COL4A2: variants seen among roughly 807,000 people sequenced by gnomAD.
COL4A2 encodes collagen alpha-2(IV) chain.
A neutral mutation model predicts 200.2 loss-of-function variants in COL4A2; 99 were observed. The ratio of observed to expected loss-of-function variants is 0.49; its 90% confidence interval spans 0.42 to 0.58. The LOEUF is 0.58. Among genes scored for constraint, COL4A2 ranks in the 20% least tolerant of loss-of-function variants. The pLI is 0.00. For synonymous variants in COL4A2, 897 were observed against 900.6 expected (o/e 1.00, Z 0.07); for missense variants, 1,950 against 2,314.1 (o/e 0.84, Z 3.23).
At chr13:110,329,122 T>TA (rs1228678226) in intron 3 of COL4A2, among the ~76,000 whole-genome samples, 1 of 152,212 alleles carries the variant, frequency 6.6e-6, no homozygotes, top group Non-Finnish European at 1.5e-5. Context: ...CTAATCTGAA[T>TA]AAAATGAAGA....
At chr13:110,395,594 TG>T (rs1879155749) in intron 4 of COL4A2, among the ~76,000 whole-genome samples, 2 of 152,266 alleles carry the variant, frequency 1.3e-5, no homozygotes, top group South Asian at 4.1e-4. Flanking sequence ...TATAACATTT[TG>T]TTTCTAATTG....
Position 110,473,071 on chromosome 13 carries a change from G to A in COL4A2, c.2346G>A (p.Gly782=), listed in dbSNP as rs1238212747. 6.5e-7 allele frequency: 1 copy of A among 1,540,234 alleles called. No individual in the cohort carries two copies. Among genetic ancestry groups the A allele is most frequent in the South Asian group, 1.2e-5 (1 of 81,528 alleles). ...LPGEVLGAQP[G]PRGDAGVPGQ... The stretch of plus-strand genomic sequence containing the variant: ...GAGAAGTCCTGGGAGCTCAGCCCGG[G>A]CCACGGGGAGATGCTGGTGTGCCTG... The change falls in exon 29 of 48, where the codon GGG becomes GGA. Residue 782 remains glycine, a synonymous_variant. Transcript: ENST00000360467.
chr13:110,357,416 G>A (rs1877324499), intron 3 of COL4A2, 56 bp from the exon 4 acceptor site: 1 of 1,549,870 alleles, frequency 6.5e-7, no homozygotes, highest in South Asian at 1.2e-5. Context: ...TTTAATACAT[G>A]TTGTAGTTGG....
chr13:110,377,646 C>G (rs1395323303), intron 4 of COL4A2, among the ~76,000 whole-genome samples: 2 of 152,216 alleles, frequency 1.3e-5, no homozygotes, highest in Admixed American at 1.3e-4. Flanking sequence ...AGGACCAACT[C>G]TTTACAGAAA....
At chr13:110,459,190 A>T in intron 22 of COL4A2, 1 of 373,230 alleles carries the variant, frequency 2.7e-6, no homozygotes. Flanking sequence ...GGGGGTCACC[A>T]CGTGACCCAG....
intron 18 of COL4A2, among the ~76,000 whole-genome samples, chr13:110,448,992 C>T (rs1281247066): frequency 6.6e-6 from 1 of 152,246 alleles, no homozygotes; most frequent in Non-Finnish European, 1.5e-5. Flanking sequence ...GAGCAGGAGA[C>T]GCCATACACG....
chr13:110,476,395 G>C (rs1017159909), intron 29 of COL4A2, among the ~76,000 whole-genome samples: 5 of 152,342 alleles, frequency 3.3e-5, no homozygotes, highest in Non-Finnish European at 7.3e-5. Context: ...ATGCATCCGT[G>C]CATCTTAGAG....
chr13:110,355,358 G>A (rs1425755805), intron 3 of COL4A2, among the ~76,000 whole-genome samples: 1 of 136,228 alleles, frequency 7.3e-6, no homozygotes, highest in African/African-American at 2.9e-5. Context: ...GTGTGTGTGG[G>A]GGAGGGCTGC....
At chr13:110,345,799 G>T (rs1388512825) in intron 3 of COL4A2, among the ~76,000 whole-genome samples, 1 of 152,198 alleles carries the variant, frequency 6.6e-6, no homozygotes, top group East Asian at 1.9e-4. Context: ...TGCTGTGTGG[G>T]ACAGAAGTCA....
intron 45 of COL4A2, among the ~76,000 whole-genome samples, chr13:110,505,230 G>A (rs1451593209): frequency 3.3e-5 from 5 of 151,970 alleles, no homozygotes; most frequent in Admixed American, 6.5e-5. Context: ...GGCGCCAGTA[G>A]TCCCAGCTAC....
At chr13:110,359,439 G>A (rs1356112613) in intron 4 of COL4A2, among the ~76,000 whole-genome samples, 4 of 152,182 alleles carry the variant, frequency 2.6e-5, no homozygotes, top group Admixed American at 1.3e-4. Context: ...CTGGACTCAT[G>A]TATCTACCCT....
chr13:110,480,142 C>A (rs948693501), intron 30 of COL4A2, 78 bp from the exon 31 acceptor site: 47 of 1,419,594 alleles, frequency 3.3e-5, no homozygotes, highest in Non-Finnish European at 4.2e-5. Flanking sequence ...ACTGAACACT[C>A]AATGCCGTAA....
chr13:110,474,481 T>C (rs1882600446), intron 29 of COL4A2, among the ~76,000 whole-genome samples: 1 of 152,118 alleles, frequency 6.6e-6, no homozygotes, highest in Non-Finnish European at 1.5e-5. Flanking sequence ...CTGTTGATAC[T>C]AGGGAGCGCC....
At chr13:110,511,122 T>G (rs1884068743) in intron 47 of COL4A2, among the ~76,000 whole-genome samples, 1 of 152,000 alleles carries the variant, frequency 6.6e-6, no homozygotes, top group South Asian at 2.1e-4. Context: ...ACTCAAAGCC[T>G]GCTCAGCCAA....
intron 4 of COL4A2, among the ~76,000 whole-genome samples, chr13:110,371,048 G>A (rs1014147202): frequency 7.9e-5 from 12 of 152,188 alleles, no homozygotes; most frequent in African/African-American, 1.2e-4. Flanking sequence ...AACAAAAAGG[G>A]TGCCCTTCAA....
intron 21 of COL4A2, chr13:110,457,765 AGT>A (rs1159074077): frequency 4.0e-6 from 2 of 496,168 alleles, no homozygotes; most frequent in Non-Finnish European, 8.2e-6. Flanking sequence ...GCACTCAGGT[AGT>A]GTCTCAAGGG....
chr13:110,308,538 G>GT (rs1480985000), intron 3 of COL4A2, among the ~76,000 whole-genome samples: 2 of 152,180 alleles, frequency 1.3e-5, no homozygotes, highest in Non-Finnish European at 2.9e-5. Context: ...CGGACTGAGG[G>GT]TTTTTTGTGT....
intron 4 of COL4A2, among the ~76,000 whole-genome samples, chr13:110,405,203 A>G (rs191180906): frequency 7.7e-4 from 117 of 152,352 alleles, no homozygotes; most frequent in African/African-American, 2.6e-3. Flanking sequence ...TGGGCTACAG[A>G]GAAACGTTTT....
rs200132987 is a variant in COL4A2 at position 110,450,351 on chromosome 13, C to T, written c.1236C>T (p.Ile412=). The change falls in exon 20 of 48, where the codon ATC becomes ATT. Residue 412 remains isoleucine (I), a synonymous_variant. Coordinates refer to ENST00000360467, the MANE Select transcript of COL4A2 (RefSeq NM_001846.4). ...GTGAGATGGGACCCAAGGGCTTCATCGGAGACCCCGGCATCCCTGCGCTCT... is the reference window on the plus strand; with the variant it reads ...GTGAGATGGGACCCAAGGGCTTCATTGGAGACCCCGGCATCCCTGCGCTCT... ...LPGEMGPKGF[I]GDPGIPALYG... 12 of 1,613,678 alleles carry T rather than the reference C, an allele frequency of 7.4e-6. No homozygotes were observed. The highest frequency in any genetic ancestry group is 1.1e-5 in the South Asian group (1 of 91,070).
Sources: gnomAD v4.1 joint callset for allele counts (sites outside exome capture counted in the v4.1 genomes callset) on GRCh38, gnomAD v4.1.1 for gene constraint, MANE v1.5 for transcripts, NCBI Gene and HGNC (gene_info 2026-07-23, HGNC 2026-07-21) for gene names.